Variants in CAMTA1 observed in about 807,000 individuals in gnomAD.
The protein encoded by CAMTA1 is calmodulin-binding transcription activator 1.
In CAMTA1, 27 loss-of-function variants were observed where a neutral mutation model predicts 170.9. That is an observed-to-expected ratio of 0.16 (90% confidence interval 0.12 to 0.22). CAMTA1 has a LOEUF of 0.22. Among genes scored for constraint, CAMTA1 ranks in the 10% least tolerant of loss-of-function variants. CAMTA1 has a pLI of 1.00. For missense variants in CAMTA1, 1,619 were observed against 2,217.2 expected, an observed-to-expected ratio of 0.73 and a Z score of 5.42; for synonymous variants, 833 against 891.5, an observed-to-expected ratio of 0.93 and a Z score of 1.17.
intron 3 of CAMTA1, among the ~76,000 whole-genome samples, chr1:7,020,813 G>A (rs1386112084): frequency 6.6e-6 from 1 of 152,226 alleles, no homozygotes; most frequent in Non-Finnish European, 1.5e-5. Flanking sequence ...GGAAGTGGCT[G>A]GAGTTGTTCT....
intron 5 of CAMTA1, among the ~76,000 whole-genome samples, chr1:7,398,193 C>CTCTCTATATATATATATA (rs1557651862): frequency 1.2e-4 from 2 of 16,900 alleles, no homozygotes; most frequent in African/African-American, 1.9e-4. Flanking sequence ...CTCTCTCTCT[C>CTCTCTATATATATATATA]TATATATATA....
intron 3 of CAMTA1, among the ~76,000 whole-genome samples, chr1:7,047,169 C>T (rs975917799): frequency 6.6e-6 from 1 of 152,122 alleles, no homozygotes; most frequent in South Asian, 2.1e-4. Flanking sequence ...AGTCTCCTCC[C>T]CCACAACATG....
intron 5 of CAMTA1, among the ~76,000 whole-genome samples, chr1:7,280,997 G>T (rs979389030): frequency 7.2e-5 from 11 of 152,126 alleles, no homozygotes; most frequent in African/African-American, 2.7e-4. Context: ...TTGACTTAAA[G>T]AGCCAAATTA....
intron 5 of CAMTA1, among the ~76,000 whole-genome samples, chr1:7,431,169 C>T (rs2092138031): frequency 6.6e-6 from 1 of 152,196 alleles, no homozygotes; most frequent in African/African-American, 2.4e-5. Flanking sequence ...GAGATGCCTT[C>T]TCAGCCTTTT....
chr1:7,557,114 C>A (rs1287253524), intron 6 of CAMTA1, among the ~76,000 whole-genome samples: 1 of 152,004 alleles, frequency 6.6e-6, no homozygotes, highest in Non-Finnish European at 1.5e-5. Context: ...TCGAGACCAG[C>A]CTGGGCAACA....
intron 5 of CAMTA1, among the ~76,000 whole-genome samples, chr1:7,442,167 G>A (rs917906881): frequency 6.6e-6 from 1 of 152,168 alleles, no homozygotes; most frequent in African/African-American, 2.4e-5. Context: ...TATGCTCAGC[G>A]CTCAGCAAGG....
intron 1 of CAMTA1, among the ~76,000 whole-genome samples, chr1:6,817,529 G>A (rs1251917227): frequency 6.6e-6 from 1 of 152,220 alleles, no homozygotes; most frequent in Non-Finnish European, 1.5e-5. Flanking sequence ...GTCATGGGTA[G>A]AAAGTAATGT....
At chr1:6,926,306 T>C (rs1220203294) in intron 3 of CAMTA1, among the ~76,000 whole-genome samples, 8 of 150,806 alleles carry the variant, frequency 5.3e-5, no homozygotes. Context: ...TCCTCTCCTC[T>C]CCTCTCCTCC....
chr1:7,766,141 T>C (rs2150340992), intron 22 of CAMTA1, among the ~76,000 whole-genome samples: 1 of 152,228 alleles, frequency 6.6e-6, no homozygotes, highest in South Asian at 2.1e-4. Flanking sequence ...GTTATTTGAA[T>C]AGTTAAATTT....
Position 7,482,740 on chromosome 1 carries a change from GA to G in CAMTA1, c.510+14844del. ...TCTTAGTTTGGAGACCAAGTTCTCA[GA>G]AAAACACTGTCGGTTCCAAAGAAAT... On this transcript the variant is annotated intron_variant, in intron 6 of 22. Transcript: ENST00000303635. This position sits in a 1 kb window ranked among gnomAD's most constrained non-coding sequence, Gnocchi z 4.2. Among the ~76,000 whole-genome samples, 1 of 152,320 alleles carries G rather than the reference GA, an allele frequency of 6.6e-6. No individual in the cohort carries two copies. The highest frequency in any genetic ancestry group is 2.1e-4 in the South Asian group (1 of 4,828).
chr1:7,016,423 A>G (rs1256380083), intron 3 of CAMTA1, among the ~76,000 whole-genome samples: 1 of 152,248 alleles, frequency 6.6e-6, no homozygotes, highest in Non-Finnish European at 1.5e-5. Flanking sequence ...CAGCTGTCGA[A>G]TGGGTGAATG....
chr1:7,171,298 G>A (rs1649547765), intron 4 of CAMTA1, among the ~76,000 whole-genome samples: 1 of 152,184 alleles, frequency 6.6e-6, no homozygotes, highest in East Asian at 1.9e-4. Context: ...TTGGAGACAT[G>A]GCTGCACACA....
intron 5 of CAMTA1, among the ~76,000 whole-genome samples, chr1:7,356,487 C>T (rs1260599977): frequency 1.3e-5 from 2 of 152,224 alleles, no homozygotes; most frequent in African/African-American, 4.8e-5. Flanking sequence ...GCCTCAGAGC[C>T]TCTTCCTCCT....
At position 6,940,742 on chromosome 1, in the gene CAMTA1, G is replaced by A. The variant is rs532126020; in HGVS notation, c.234+115532G>A. Among the ~76,000 whole-genome samples the A allele has an allele frequency of 2.0e-5, 3 of 152,156 alleles. No homozygotes were observed. The South Asian group carries it at 6.2e-4, about 32-fold the overall frequency. On this transcript the variant is annotated intron_variant, in intron 3 of 22. Transcript: ENST00000303635. ...CCTCAGTGTGCACTGGGGATTACTG[G>A]AGCCCTCGGAGTTGAGGGAGGCCAG... is the stretch of plus-strand genomic sequence containing the variant.
rs938318466 is a variant in CAMTA1 at position 7,769,135 on chromosome 1, T to C, written c.*2644T>C. The C allele has an allele frequency of 6.5e-6, 1 of 152,742 alleles. No homozygotes were observed. Among genetic ancestry groups the C allele is most frequent in the Non-Finnish European group, 1.5e-5 (1 of 68,036 alleles). 9.5% of individuals were successfully genotyped at this position (152,742 alleles called of 1,614,324 possible). A position where few individuals can be genotyped will look rare whatever the true frequency, so the allele number is the denominator to read the frequency against. On this transcript the variant is annotated 3_prime_UTR_variant, in exon 23 of 23. Coordinates refer to ENST00000303635, the MANE Select transcript of CAMTA1 (RefSeq NM_015215.4). ...GAAGTAGGTTTAAAGCCTACCAGTG[T>C]AACCTACCAGTACAACTGTGAATCC... is the stretch of plus-strand genomic sequence containing the variant.
chr1:7,745,539 AAAAG>A (rs978786937), intron 17 of CAMTA1, among the ~76,000 whole-genome samples: 5 of 152,186 alleles, frequency 3.3e-5, no homozygotes, highest in African/African-American at 1.2e-4. Flanking sequence ...AAAAAGAAAA[AAAAG>A]AGAGATAATG....
chr1:7,163,252 G>A (rs1647606310), intron 4 of CAMTA1, among the ~76,000 whole-genome samples: 1 of 147,626 alleles, frequency 6.8e-6, no homozygotes, highest in Non-Finnish European at 1.5e-5. Flanking sequence ...TTTCAGAGGT[G>A]GTGCTGTTAT....
chr1:6,978,070 G>A (rs1209392924), intron 3 of CAMTA1, among the ~76,000 whole-genome samples: 1 of 152,118 alleles, frequency 6.6e-6, no homozygotes, highest in Non-Finnish European at 1.5e-5. Context: ...AAGGGTAGTG[G>A]GGGTGTGGTG....
rs779389778 is a variant in CAMTA1, at chr1:7,251,766, C to T, written c.438+2140C>T. On this transcript the variant is annotated intron_variant, in intron 5 of 22. Coordinates refer to ENST00000303635, the MANE Select transcript of CAMTA1 (RefSeq NM_015215.4). This position sits in a 1 kb window ranked among gnomAD's most constrained non-coding sequence, Gnocchi z 5.1. ...AGCCTGGGCTTTTATGATAAGCATC[C>T]CGGGAGTGCAGAGTGGGCTGGAATG... 5.9e-5 allele frequency among the ~76,000 whole-genome samples: 9 copies of T among 152,114 alleles called. No homozygotes were observed. The highest frequency in any genetic ancestry group is 1.2e-4 in the Non-Finnish European group (8 of 68,034).
Sources: allele counts gnomAD v4.1 joint callset (sites outside exome capture counted in the v4.1 genomes callset), GRCh38; gene constraint gnomAD v4.1.1; non-coding constraint Gnocchi (gnomAD v3.1); transcripts MANE v1.5; gene names NCBI Gene and HGNC (gene_info 2026-07-23, HGNC 2026-07-21).